Variants in NKAIN3 observed in about 807,000 individuals in gnomAD.
The protein encoded by NKAIN3 is sodium/potassium-transporting ATPase subunit beta-1-interacting protein 3.
A neutral mutation model predicts 30.2 loss-of-function variants in NKAIN3; 25 were observed. The ratio of observed to expected loss-of-function variants is 0.83; its 90% CI spans 0.60 to 1.16. NKAIN3 has a LOEUF of 1.16. Ranked by LOEUF, NKAIN3 falls within the 50% of genes most tolerant of loss-of-function variation. NKAIN3 has a pLI of 0.00. For synonymous variants in NKAIN3, 91 were observed against 89.6 expected (o/e 1.02, Z -0.09); for missense variants, 225 against 254.1 (o/e 0.89, Z 0.78).
intron 4 of NKAIN3, among the ~76,000 whole-genome samples, chr8:62,834,000 TG>T (rs1819280170): frequency 6.6e-6 from 1 of 152,134 alleles, no homozygotes; most frequent in Non-Finnish European, 1.5e-5. Context: ...GCTTTATTTC[TG>T]GGATGCAAGG....
At chr8:62,756,234 A>C (rs1816448056) in intron 4 of NKAIN3, among the ~76,000 whole-genome samples, 1 of 152,154 alleles carries the variant, frequency 6.6e-6, no homozygotes, top group Admixed American at 6.5e-5. Context: ...CCCCTTAGCT[A>C]TCACAACCTG....
chr8:62,463,535 A>G (rs1439767599), intron 1 of NKAIN3, among the ~76,000 whole-genome samples: 2 of 152,212 alleles, frequency 1.3e-5, no homozygotes, highest in Non-Finnish European at 2.9e-5. Flanking sequence ...ATCTATATAC[A>G]GCATGGAAAG....
At chr8:62,346,204 T>C (rs1198744320) in intron 1 of NKAIN3, among the ~76,000 whole-genome samples, 1 of 152,054 alleles carries the variant, frequency 6.6e-6, no homozygotes, top group African/African-American at 2.4e-5. Context: ...TCAAGATAGC[T>C]GAAAAAGAGG....
intron 1 of NKAIN3, among the ~76,000 whole-genome samples, chr8:62,314,465 C>T (rs1055106046): frequency 2.6e-5 from 4 of 152,156 alleles, no homozygotes; most frequent in Non-Finnish European, 4.4e-5. Context: ...GCGATGAAAC[C>T]GGACTTACTT....
chr8:62,620,389 C>T (rs1204351690), intron 3 of NKAIN3, among the ~76,000 whole-genome samples: 3 of 152,100 alleles, frequency 2.0e-5, no homozygotes, highest in Non-Finnish European at 4.4e-5. Context: ...TTCTCAAATT[C>T]CCTCAGCTTA....
At chr8:62,903,726 G>A (rs899166716) in intron 4 of NKAIN3, among the ~76,000 whole-genome samples, 9 of 152,136 alleles carry the variant, frequency 5.9e-5, no homozygotes, top group African/African-American at 1.9e-4. Context: ...ATTTATAAAG[G>A]AAAGTGGTTT....
chr8:62,346,752 C>T (rs942752522), intron 1 of NKAIN3, among the ~76,000 whole-genome samples: 2 of 152,042 alleles, frequency 1.3e-5, no homozygotes. Flanking sequence ...CACCACAGAA[C>T]CATCAGGGTT....
At chr8:62,450,404 C>G (rs949001420) in intron 1 of NKAIN3, among the ~76,000 whole-genome samples, 2 of 152,074 alleles carry the variant, frequency 1.3e-5, no homozygotes, top group Non-Finnish European at 2.9e-5. Context: ...CACTTCAAAC[C>G]TGCTAAAAAT....
At chr8:62,683,183 G>A (rs1813695457) in intron 3 of NKAIN3, among the ~76,000 whole-genome samples, 1 of 152,050 alleles carries the variant, frequency 6.6e-6, no homozygotes, top group African/African-American at 2.4e-5. Context: ...ACAGGTGCCT[G>A]CCACCATGCC....
chr8:62,326,490 A>G (rs552633292), intron 1 of NKAIN3, among the ~76,000 whole-genome samples: 1 of 151,994 alleles, frequency 6.6e-6, no homozygotes, highest in East Asian at 1.9e-4. Flanking sequence ...TTTCTGTATA[A>G]GCTGAGAGAT....
intron 1 of NKAIN3, 60 bp downstream of exon 1, chr8:62,249,187 G>T (rs1585594361): frequency 5.0e-6 from 7 of 1,391,680 alleles, no homozygotes; most frequent in South Asian, 1.3e-5. Context: ...CGGCCTCTGC[G>T]ACTCCCTCTG....
At chr8:62,644,438 T>C (rs1812397876) in intron 3 of NKAIN3, among the ~76,000 whole-genome samples, 1 of 152,132 alleles carries the variant, frequency 6.6e-6, no homozygotes. Context: ...AATAGTGTTT[T>C]TTTTAAGCCT....
intron 5 of NKAIN3, among the ~76,000 whole-genome samples, chr8:62,926,242 T>A (rs1017166835): frequency 6.6e-6 from 1 of 152,178 alleles, no homozygotes; most frequent in African/African-American, 2.4e-5. Context: ...TGGTAAAATT[T>A]AAGAGCCCAG....
intron 1 of NKAIN3, among the ~76,000 whole-genome samples, chr8:62,447,925 A>C (rs1805533068): frequency 6.6e-6 from 1 of 152,012 alleles, no homozygotes; most frequent in Non-Finnish European, 1.5e-5. Flanking sequence ...TTTGAAATCT[A>C]AAACCTTTAT....
At chr8:62,723,150 T>C (rs972036326) in intron 3 of NKAIN3, among the ~76,000 whole-genome samples, 19 of 152,168 alleles carry the variant, frequency 1.2e-4, no homozygotes, top group African/African-American at 4.6e-4. Context: ...TATTCAGCTA[T>C]GCTTCAAAAA....
At chr8:62,510,903 G>A (rs1347189698) in intron 1 of NKAIN3, among the ~76,000 whole-genome samples, 1 of 151,958 alleles carries the variant, frequency 6.6e-6, no homozygotes, top group Non-Finnish European at 1.5e-5. Flanking sequence ...CCTAAGCTCT[G>A]GCTGCTCCTT....
chr8:62,942,468 T>C (rs1050396255), intron 5 of NKAIN3, among the ~76,000 whole-genome samples: 4 of 150,036 alleles, frequency 2.7e-5, no homozygotes, highest in African/African-American at 9.8e-5. Context: ...AATCTACAAA[T>C]TCAATGCAAT....
At chr8:62,556,678 CA>C (rs949790840) in intron 1 of NKAIN3, among the ~76,000 whole-genome samples, 4 of 150,582 alleles carry the variant, frequency 2.7e-5, no homozygotes, top group South Asian at 2.1e-4. Context: ...GAATTTAAGG[CA>C]AAAAAACATT....
chr8:62,918,350 T>A (rs1586345944), intron 4 of NKAIN3, 103 bp from the exon 5 acceptor site: 1 of 831,914 alleles, frequency 1.2e-6, no homozygotes, highest in East Asian at 2.7e-5. Context: ...TGCAAACTCT[T>A]AAAAGTTGCT....
Sources: allele counts gnomAD v4.1 joint callset (sites outside exome capture counted in the v4.1 genomes callset), GRCh38; gene constraint gnomAD v4.1.1; transcripts MANE v1.5; gene names NCBI Gene and HGNC (gene_info 2026-07-23, HGNC 2026-07-21).